PKN2: variants seen among roughly 807,000 people sequenced by gnomAD.
PKN2 encodes the protein protein kinase N2, also known as serine/threonine-protein kinase N2.
PKN2 carries 38 observed loss-of-function variants against 119.1 expected under a neutral mutation model. The observed-to-expected ratio is 0.32, with a 90% CI of 0.25 to 0.42. The LOEUF is 0.42. Among genes scored for constraint, PKN2 ranks in the 10% least tolerant of loss-of-function variants. The pLI is 1.00. For missense variants in PKN2, 850 were observed against 1,165.1 expected (o/e 0.73, Z 3.94); for synonymous variants, 390 against 384.9 (o/e 1.01, Z -0.15).
At chr1:88,692,376 T>G (rs1462396811) in intron 1 of PKN2, among the ~76,000 whole-genome samples, 2 of 152,172 alleles carry the variant, frequency 1.3e-5, no homozygotes, top group Non-Finnish European at 2.9e-5. Context: ...GTTCCTATTA[T>G]ATACCTAGAG....
intron 1 of PKN2, among the ~76,000 whole-genome samples, chr1:88,715,175 C>T (rs1344610421): frequency 6.6e-6 from 1 of 152,030 alleles, no homozygotes; most frequent in Non-Finnish European, 1.5e-5. Context: ...TTCGGTTTGC[C>T]AGTATTTTGT....
intron 8 of PKN2, 29 bp downstream of exon 8, chr1:88,786,242 T>A: frequency 9.4e-7 from 1 of 1,068,608 alleles, no homozygotes; most frequent in Non-Finnish European, 1.4e-6. Flanking sequence ...TACTTGAATT[T>A]TAATTATAAT....
Position 88,771,434 on chromosome 1 carries a change from A to G in PKN2, c.636A>G (p.Ile212Met), listed in dbSNP as rs960420027. The G allele has an allele frequency of 1.9e-6, 3 of 1,594,648 alleles. No homozygotes were observed. The highest frequency in any genetic ancestry group is 2.6e-6 in the Non-Finnish European group (3 of 1,174,212). The change falls in exon 5 of 22, where the codon ATA (isoleucine) becomes ATG (methionine). Residue 212 changes from isoleucine to methionine, a missense_variant. This residue lies in a region of PKN2 where 350 missense variants were observed against 511.1 expected (regional missense o/e 0.68). Coordinates refer to ENST00000370521, the MANE Select transcript of PKN2 (RefSeq NM_006256.4). Reference sequence around the variant, plus strand: ...TTTCCTTTCTAGCAAAACCTGTGATAAGTCCTCTTGAACTTCGGATGGAAG... The same window carrying G: ...TTTCCTTTCTAGCAAAACCTGTGATGAGTCCTCTTGAACTTCGGATGGAAG... ...ELAFDNAKPV[I>M]SPLELRMEEL...
intron 1 of PKN2, among the ~76,000 whole-genome samples, chr1:88,705,518 C>A (rs935800018): frequency 7.0e-6 from 1 of 143,866 alleles, no homozygotes; most frequent in Non-Finnish European, 1.5e-5. Flanking sequence ...ACAGTGAAAC[C>A]CCGTCTCTAC....
chr1:88,711,614 A>G (rs72722800), intron 1 of PKN2, among the ~76,000 whole-genome samples: 1 of 152,316 alleles, frequency 6.6e-6, no homozygotes, highest in Non-Finnish European at 1.5e-5. Flanking sequence ...TAGTTATTTA[A>G]GTTCTCAATT....
At chr1:88,791,254 G>T (rs1670824343) in intron 8 of PKN2, among the ~76,000 whole-genome samples, 2 of 152,114 alleles carry the variant, frequency 1.3e-5, no homozygotes, top group South Asian at 4.1e-4. Flanking sequence ...TGACCAACAT[G>T]ATGAAACCCT....
Position 88,804,897 on chromosome 1 carries a change from A to C in PKN2, c.1477A>C (p.Lys493Gln). ...AAGAAGACCAAAACTTCAAAGACAA[A>C]AGAAAATTTTTTCAAAGCAACAAGG... Reference protein sequence around the residue: ...IERRPKLQRQKKIFSKQQGKT... With the variant: ...IERRPKLQRQQKIFSKQQGKT... Residue 493 changes from lysine (K) to glutamine (Q), a missense_variant, in exon 10 of 22, where the codon AAG becomes CAG. Coordinates refer to ENST00000370521, the MANE Select transcript of PKN2 (RefSeq NM_006256.4). 1 of 1,563,948 alleles carries C rather than the reference A, an allele frequency of 6.4e-7. No homozygotes were observed. Among genetic ancestry groups the C allele is most frequent in the East Asian group, 2.3e-5 (1 of 43,986 alleles).
chr1:88,728,607 A>G (rs1667995676), intron 1 of PKN2, among the ~76,000 whole-genome samples: 1 of 152,038 alleles, frequency 6.6e-6, no homozygotes, highest in Admixed American at 6.5e-5. Context: ...ACTTTCGTTG[A>G]TAAAGTTGTT....
intron 6 of PKN2, among the ~76,000 whole-genome samples, chr1:88,780,404 C>A (rs1011797191): frequency 3.3e-5 from 5 of 152,046 alleles, no homozygotes; most frequent in Non-Finnish European, 7.4e-5. Context: ...AGCTTGGGAA[C>A]CTCTGATCTA....
chr1:88,719,154 A>G lies in PKN2; in HGVS notation c.49-21834A>G, dbSNP rs1667570994. On this transcript the variant is annotated intron_variant, in intron 1 of 21. Coordinates refer to ENST00000370521, the MANE Select transcript of PKN2 (RefSeq NM_006256.4). ...GGTTGCACTTGTTTTCCTAAATCACATTTGTGTCAAATTGCCAGTGGAATA... is the reference window on the plus strand; with the variant it reads ...GGTTGCACTTGTTTTCCTAAATCACGTTTGTGTCAAATTGCCAGTGGAATA... Among the ~76,000 whole-genome samples, 4 of 152,294 alleles carry G rather than the reference A, an allele frequency of 2.6e-5. No homozygotes were observed. In the South Asian group the frequency reaches 8.3e-4, roughly 32 times the overall value.
intron 3 of PKN2, among the ~76,000 whole-genome samples, chr1:88,764,609 A>T (rs1240757571): frequency 6.6e-6 from 1 of 152,178 alleles, no homozygotes; most frequent in Admixed American, 6.5e-5. Flanking sequence ...GTGGCCGTTT[A>T]TCTTCCTCTG....
chr1:88,835,145 A>G lies in PKN2; in HGVS notation c.*1697A>G, dbSNP rs1281665836. On this transcript the variant is annotated 3_prime_UTR_variant, in exon 22 of 22. Transcript: ENST00000370521. ...GAACAATTAAAATTGTCCAGAGATCATTTATATTACCTTCCAAATTGTTTA... is the reference window on the plus strand; with the variant it reads ...GAACAATTAAAATTGTCCAGAGATCGTTTATATTACCTTCCAAATTGTTTA... 6.6e-6 allele frequency: 1 copy of G among 152,152 alleles called. No individual in the cohort carries two copies. The highest frequency in any genetic ancestry group is 6.6e-5 in the Admixed American group (1 of 15,246). 9.4% of individuals were successfully genotyped at this position (152,152 alleles called of 1,614,324 possible).
intron 15 of PKN2, among the ~76,000 whole-genome samples, chr1:88,810,765 C>T (rs1407240049): frequency 6.6e-6 from 1 of 151,938 alleles, no homozygotes; most frequent in Non-Finnish European, 1.5e-5. Context: ...CACCACCATG[C>T]CCAGTTCATT....
chr1:88,703,957 A>G (rs1374928769), intron 1 of PKN2, among the ~76,000 whole-genome samples: 5 of 152,186 alleles, frequency 3.3e-5, no homozygotes, highest in South Asian at 2.1e-4. Flanking sequence ...AGAGACTTAA[A>G]AAGGCTTTTT....
intron 15 of PKN2, among the ~76,000 whole-genome samples, chr1:88,810,444 T>C: frequency 6.6e-6 from 1 of 151,790 alleles, no homozygotes; most frequent in East Asian, 1.9e-4. Flanking sequence ...TTTTTAAAAG[T>C]AATGTATTTC....
At chr1:88,819,996 G>T (rs1672179691) in intron 16 of PKN2, among the ~76,000 whole-genome samples, 1 of 150,810 alleles carries the variant, frequency 6.6e-6, no homozygotes. Flanking sequence ...CACACCGGGG[G>T]TCGGGGGCTA....
At chr1:88,783,166 C>G (rs1670424159) in intron 6 of PKN2, among the ~76,000 whole-genome samples, 1 of 152,166 alleles carries the variant, frequency 6.6e-6, no homozygotes, top group South Asian at 2.1e-4. Context: ...CTTTCCCCTG[C>G]CTCAGATATT....
At chr1:88,822,558 ATAAACAT>A (rs1672336107) in intron 17 of PKN2, among the ~76,000 whole-genome samples, 1 of 151,746 alleles carries the variant, frequency 6.6e-6, no homozygotes, top group Non-Finnish European at 1.5e-5. Flanking sequence ...TTAGAAGACT[ATAAACAT>A]TGGATTATTT....
intron 2 of PKN2, 132 bp from the exon 3 acceptor site, chr1:88,760,090 T>C: frequency 2.0e-6 from 1 of 512,422 alleles, no homozygotes; most frequent in South Asian, 2.8e-5. Flanking sequence ...ATGGATTATC[T>C]ATAAGTATAA....
Sources: allele counts gnomAD v4.1 joint callset (sites outside exome capture counted in the v4.1 genomes callset), GRCh38; gene constraint gnomAD v4.1.1; regional missense constraint gnomAD v4.1.1; transcripts MANE v1.5; gene names NCBI Gene and HGNC (gene_info 2026-07-23, HGNC 2026-07-21).